WDR7: variants seen among roughly 807,000 people sequenced by gnomAD.
WDR7 encodes WD repeat domain 7.
Under a neutral mutation model 169.4 loss-of-function variants are expected in WDR7, and 46 were observed. The observed-to-expected ratio is 0.27, with a 90% CI of 0.21 to 0.35. The LOEUF (loss-of-function observed/expected upper bound fraction) is 0.35, where lower values mean the gene tolerates loss of function less well. WDR7 is among the 10% of genes least tolerant of loss of function. The probability of loss-of-function intolerance (pLI) is 1.00; values close to 1 mark genes in which losing one functional copy is unlikely to be tolerated. For missense variants in WDR7, 1,534 were observed against 1,859.3 expected, an observed-to-expected ratio of 0.83 and a Z score of 3.22; for synonymous variants, 612 against 666.8, an observed-to-expected ratio of 0.92 and a Z score of 1.27.
chr18:57,016,578 T>C (rs59135826), intron 26 of WDR7, among the ~76,000 whole-genome samples: 2,889 of 152,344 alleles, frequency 0.019, 101 homozygotes, highest in African/African-American at 0.065. Flanking sequence ...TTAAAGAGAA[T>C]ATTCTAGAAA....
At chr18:56,803,747 A>T (rs775732544) in intron 19 of WDR7, among the ~76,000 whole-genome samples, 24 of 152,230 alleles carry the variant, frequency 1.6e-4, no homozygotes, top group Non-Finnish European at 3.2e-4. Flanking sequence ...CACTTACCAC[A>T]TCTCAGGCAC....
chr18:56,840,744 G>A (rs192130263), intron 20 of WDR7, among the ~76,000 whole-genome samples: 2 of 151,856 alleles, frequency 1.3e-5, no homozygotes, highest in Non-Finnish European at 2.9e-5. Context: ...ATCTGAACCC[G>A]AGAGGTTGAG....
chr18:56,960,248 T>C lies in WDR7; in HGVS notation c.4065-2182T>C, dbSNP rs148838777. On this transcript the variant is annotated intron_variant, in intron 25 of 27. Coordinates refer to ENST00000254442, the MANE Select transcript of WDR7 (RefSeq NM_015285.3). ...TACCATAAATAATGGTGTTTGTAGA[T>C]GATACAGAAGGATGAGTTTGATATC... Among the ~76,000 whole-genome samples the C allele has an allele frequency of 8.5e-5, 13 of 152,254 alleles. No individual in the cohort carries two copies. In the East Asian group the frequency reaches 2.5e-3, roughly 29 times the overall value.
chr18:56,964,646 C>T (rs1196664263), intron 26 of WDR7, among the ~76,000 whole-genome samples: 1 of 152,154 alleles, frequency 6.6e-6, no homozygotes, highest in East Asian at 1.9e-4. Context: ...CCTCAGCCTC[C>T]CAAAGTGCTG....
At chr18:56,692,893 A>AC (rs1359744973) in intron 9 of WDR7, among the ~76,000 whole-genome samples, 1 of 150,644 alleles carries the variant, frequency 6.6e-6, no homozygotes, top group East Asian at 1.9e-4. Context: ...ACATAGTGAG[A>AC]CCCCATCTCT....
At chr18:56,770,995 A>T (rs2044146571) in intron 16 of WDR7, among the ~76,000 whole-genome samples, 1 of 152,200 alleles carries the variant, frequency 6.6e-6, no homozygotes, top group African/African-American at 2.4e-5. Context: ...AAATATATTT[A>T]CTTAGTACAT....
In WDR7 at chr18:57,029,090, T is replaced by G. The variant is rs890278410; in HGVS notation, c.*1883T>G. 1 of 152,510 alleles carries G rather than the reference T, an allele frequency of 6.6e-6. No individual in the cohort carries two copies. The allele number at this position is 152,510 out of a possible 1,614,324, so 9.4% of individuals were successfully genotyped here. A position where few individuals can be genotyped will look rare whatever the true frequency, so the allele number is the denominator to read the frequency against. On this transcript the variant is annotated 3_prime_UTR_variant, in exon 28 of 28. Transcript: ENST00000254442. ...GGAAATTAATTTATTGTAGACTACA[T>G]CTCTATTTGGAATGATGAGGTAAAT...
intron 20 of WDR7, among the ~76,000 whole-genome samples, chr18:56,849,919 A>T (rs902423730): frequency 1.3e-5 from 2 of 152,112 alleles, no homozygotes; most frequent in African/African-American, 4.8e-5. Context: ...ACTTGCTACT[A>T]TTGACGACAT....
At chr18:56,936,937 CATAT>C (rs917895357) in intron 23 of WDR7, among the ~76,000 whole-genome samples, 10 of 151,306 alleles carry the variant, frequency 6.6e-5, no homozygotes, top group Non-Finnish European at 1.3e-4. Context: ...ATAATGTGTG[CATAT>C]ATATATATGA....
Position 57,018,090 on chromosome 18 carries a change from C to A in WDR7, c.4165-2655C>A, listed in dbSNP as rs1376047648. Among the ~76,000 whole-genome samples the A allele has an allele frequency of 2.0e-5, 3 of 152,154 alleles. No homozygotes were observed. In the East Asian group the frequency reaches 5.8e-4, roughly 29 times the overall value. On this transcript the variant is annotated intron_variant, in intron 26 of 27. Transcript: ENST00000254442. ...ATGCTTTGGACCTGGTGGTTTATAG[C>A]CTGCTTACTGTTATGTTCTCTAACT...
chr18:56,814,846 T>G (rs2145210468), intron 19 of WDR7, among the ~76,000 whole-genome samples: 1 of 152,340 alleles, frequency 6.6e-6, no homozygotes, highest in African/African-American at 2.4e-5. Flanking sequence ...TTTGTCATTT[T>G]TTATTCATCA....
intron 20 of WDR7, among the ~76,000 whole-genome samples, chr18:56,879,704 T>C (rs967091937): frequency 3.9e-5 from 6 of 151,944 alleles, no homozygotes; most frequent in African/African-American, 1.5e-4. Context: ...CTTCTTAGAG[T>C]TGTTTTTTGT....
At chr18:56,938,373 A>G (rs1215743297) in intron 23 of WDR7, among the ~76,000 whole-genome samples, 160 bp from the exon 24 acceptor site, 2 of 152,188 alleles carry the variant, frequency 1.3e-5, no homozygotes, top group Non-Finnish European at 2.9e-5. Context: ...TTGAGTTTTT[A>G]TTATACTAAG....
At chr18:56,995,368 T>A (rs1488246329) in intron 26 of WDR7, among the ~76,000 whole-genome samples, 1 of 152,190 alleles carries the variant, frequency 6.6e-6, no homozygotes, top group Non-Finnish European at 1.5e-5. Flanking sequence ...ATGGTATAAA[T>A]GATTGTAGAA....
Position 56,967,388 on chromosome 18 carries a change from G to A in WDR7, c.4164+4859G>A, listed in dbSNP as rs58871325. On this transcript the variant is annotated intron_variant, in intron 26 of 27. Coordinates refer to ENST00000254442, the MANE Select transcript of WDR7 (RefSeq NM_015285.3). The stretch of plus-strand genomic sequence containing the variant: ...CAGCAATTTAGGAACATACCTGACT[G>A]GAATTTTACTTAATTTTTTTTTTAA... Among the ~76,000 whole-genome samples the A allele has an allele frequency of 5.3e-5, 8 of 152,114 alleles. No homozygotes were observed. In the East Asian group the frequency reaches 1.5e-3, roughly 29 times the overall value.
chr18:56,982,930 G>A (rs1352506040), intron 26 of WDR7, among the ~76,000 whole-genome samples: 2 of 152,160 alleles, frequency 1.3e-5, no homozygotes, highest in African/African-American at 4.8e-5. Context: ...TCACTGCCTT[G>A]GCAGTTTCCT....
intron 14 of WDR7, among the ~76,000 whole-genome samples, chr18:56,738,043 G>T (rs992868568): frequency 3.9e-5 from 6 of 152,026 alleles, no homozygotes; most frequent in Non-Finnish European, 5.9e-5. Context: ...GCCAATTGTT[G>T]TCTAGTCCCT....
At chr18:56,668,223 A>C (rs925418554) in intron 1 of WDR7, among the ~76,000 whole-genome samples, 25 of 152,192 alleles carry the variant, frequency 1.6e-4, no homozygotes, top group African/African-American at 5.8e-4. Flanking sequence ...GATCTGATGC[A>C]TGTTGGCTAT....
chr18:56,741,445 G>C (rs1018503403), intron 14 of WDR7, among the ~76,000 whole-genome samples: 1 of 152,060 alleles, frequency 6.6e-6, no homozygotes, highest in Admixed American at 6.5e-5. Context: ...CCTTATGATT[G>C]ATCTTTTTGT....
Sources: allele counts gnomAD v4.1 joint callset (sites outside exome capture counted in the v4.1 genomes callset), GRCh38; gene constraint gnomAD v4.1.1; transcripts MANE v1.5; gene names NCBI Gene and HGNC (gene_info 2026-07-23, HGNC 2026-07-21).